PRKCE: variants seen among roughly 807,000 people sequenced by gnomAD.
PRKCE encodes protein kinase C epsilon type.
Under a neutral mutation model 85.4 loss-of-function variants are expected in PRKCE, and 16 were observed. The observed-to-expected ratio is 0.19, with a 90% CI of 0.13 to 0.28. The LOEUF is 0.28. Among genes scored for constraint, PRKCE ranks in the 10% least tolerant of loss-of-function variants. The probability of loss-of-function intolerance (pLI) is 1.00; values close to 1 mark genes in which losing one functional copy is unlikely to be tolerated. For missense variants in PRKCE, 573 were observed against 975.2 expected (o/e 0.59, Z 5.49); for synonymous variants, 388 against 371.5 (o/e 1.04, Z -0.51).
chr2:45,982,618 A>C (rs1702984531), intron 5 of PRKCE, among the ~76,000 whole-genome samples: 1 of 150,290 alleles, frequency 6.7e-6, no homozygotes, highest in Non-Finnish European at 1.5e-5. Context: ...TGTGACTCTC[A>C]CTCACCCCAT....
intron 11 of PRKCE, among the ~76,000 whole-genome samples, chr2:46,122,894 T>TG (rs1489136357): frequency 6.7e-6 from 1 of 149,714 alleles, no homozygotes; most frequent in Non-Finnish European, 1.5e-5. Context: ...TTTTTTTTTT[T>TG]TTTTTTTTTT....
chr2:45,933,433 G>C (rs1699183428), intron 2 of PRKCE, among the ~76,000 whole-genome samples: 2 of 102,900 alleles, frequency 1.9e-5, no homozygotes, highest in South Asian at 7.6e-4. Flanking sequence ...TCTTCCAAAA[G>C]TTTTGTTTTA....
chr2:45,824,417 C>G (rs764897308), intron 1 of PRKCE, among the ~76,000 whole-genome samples: 1 of 152,112 alleles, frequency 6.6e-6, no homozygotes, highest in Non-Finnish European at 1.5e-5. Flanking sequence ...GGAAGCAGCT[C>G]GGGGAGTCTC....
chr2:45,948,673 G>A (rs904067429), intron 2 of PRKCE, among the ~76,000 whole-genome samples: 4 of 151,982 alleles, frequency 2.6e-5, no homozygotes, highest in African/African-American at 9.7e-5. Flanking sequence ...CTTTCTTGAC[G>A]AAATAAAACA....
At chr2:45,904,853 G>C (rs532010737) in intron 2 of PRKCE, among the ~76,000 whole-genome samples, 4 of 152,222 alleles carry the variant, frequency 2.6e-5, no homozygotes, top group Non-Finnish European at 4.4e-5. Context: ...ACCCATGAGA[G>C]GGGGGCTGGG....
intron 5 of PRKCE, 84 bp downstream of exon 5, chr2:45,980,465 C>G (rs1456801783): frequency 7.1e-6 from 9 of 1,263,158 alleles, no homozygotes; most frequent in Middle Eastern, 1.9e-4. Context: ...CCCAAGAAAA[C>G]CTTCTCTGCC....
intron 1 of PRKCE, among the ~76,000 whole-genome samples, chr2:45,662,704 C>G (rs1054346399): frequency 2.9e-5 from 4 of 139,026 alleles, no homozygotes; most frequent in Non-Finnish European, 4.9e-5. Flanking sequence ...TTTTTTTTTC[C>G]CTCTTTGCCT....
chr2:45,968,382 A>C (rs1257447233), intron 2 of PRKCE, among the ~76,000 whole-genome samples: 1 of 152,186 alleles, frequency 6.6e-6, no homozygotes, highest in Non-Finnish European at 1.5e-5. Flanking sequence ...AGGAATTGAA[A>C]ACCAAAGACT....
intron 1 of PRKCE, among the ~76,000 whole-genome samples, chr2:45,749,529 A>C (rs1162569477): frequency 6.6e-6 from 1 of 152,258 alleles, no homozygotes; most frequent in Non-Finnish European, 1.5e-5. Flanking sequence ...AGAGGGCTTC[A>C]CCAGCCTCAA....
At chr2:45,782,586 A>G (rs1001967521) in intron 1 of PRKCE, among the ~76,000 whole-genome samples, 1 of 152,174 alleles carries the variant, frequency 6.6e-6, no homozygotes, top group African/African-American at 2.4e-5. Context: ...GGCAAGACCT[A>G]AGATAGAAAG....
intron 1 of PRKCE, among the ~76,000 whole-genome samples, chr2:45,745,774 C>G (rs1221477806): frequency 6.6e-6 from 1 of 151,976 alleles, no homozygotes; most frequent in African/African-American, 2.4e-5. Flanking sequence ...AGTATCTGAA[C>G]AGTGGTGAGG....
chr2:45,873,138 C>T (rs1161252720), intron 2 of PRKCE, among the ~76,000 whole-genome samples: 1 of 152,174 alleles, frequency 6.6e-6, no homozygotes, highest in Non-Finnish European at 1.5e-5. Flanking sequence ...CATATACACA[C>T]TAGACTGTCT....
chr2:46,042,334 G>T (rs1029107310), intron 10 of PRKCE, among the ~76,000 whole-genome samples: 1 of 152,162 alleles, frequency 6.6e-6, no homozygotes, highest in Non-Finnish European at 1.5e-5. Context: ...TATTCTTGTT[G>T]AACAGGTGAG....
intron 11 of PRKCE, among the ~76,000 whole-genome samples, chr2:46,112,910 C>T (rs962113705): frequency 4.6e-5 from 7 of 151,988 alleles, no homozygotes; most frequent in African/African-American, 1.7e-4. Context: ...GAAAAATCAC[C>T]AGTTGTAGGT....
intron 1 of PRKCE, among the ~76,000 whole-genome samples, chr2:45,724,876 C>T (rs1680923265): frequency 6.6e-6 from 1 of 152,186 alleles, no homozygotes; most frequent in East Asian, 1.9e-4. Flanking sequence ...GAAGCCATCT[C>T]CATAACATAA....
intron 9 of PRKCE, 40 bp downstream of exon 9, chr2:46,007,701 A>C (rs1389944409): frequency 6.4e-7 from 1 of 1,573,746 alleles, no homozygotes; most frequent in Non-Finnish European, 8.6e-7. Flanking sequence ...GTTTTGTTCT[A>C]CTCCTTAGCA....
At chr2:46,007,006 A>C (rs753550510) in intron 8 of PRKCE, among the ~76,000 whole-genome samples, 1 of 152,238 alleles carries the variant, frequency 6.6e-6, no homozygotes, top group South Asian at 2.1e-4. Context: ...CTGATGGCTC[A>C]GTTGTTGAAA....
intron 2 of PRKCE, among the ~76,000 whole-genome samples, chr2:45,859,925 A>G (rs1693007419): frequency 6.6e-6 from 1 of 152,186 alleles, no homozygotes; most frequent in Non-Finnish European, 1.5e-5. Flanking sequence ...GAAGCACCAC[A>G]CACTTGTATA....
In PRKCE at chr2:46,001,950, C is replaced by G. The variant is rs1263079205; in HGVS notation, c.966+404C>G. Among the ~76,000 whole-genome samples, 1 of 152,164 alleles carries G rather than the reference C, an allele frequency of 6.6e-6. No homozygotes were observed. The highest frequency in any genetic ancestry group is 1.9e-4 in the East Asian group (1 of 5,182). The stretch of plus-strand genomic sequence containing the variant: ...ATAATGGAGATAAATGGGTGAAGAA[C>G]TGGAACCACATTCTTTTCTAGGGAG... On this transcript the variant is annotated intron_variant, in intron 7 of 14. Transcript: ENST00000306156. The surrounding 1 kb of genome is among the most constrained non-coding windows in gnomAD (Gnocchi z 4.4).
Sources: allele counts gnomAD v4.1 joint callset (sites outside exome capture counted in the v4.1 genomes callset), GRCh38; gene constraint gnomAD v4.1.1; non-coding constraint Gnocchi (gnomAD v3.1); transcripts MANE v1.5; gene names NCBI Gene and HGNC (gene_info 2026-07-23, HGNC 2026-07-21).